S100A5: variants seen among roughly 807,000 people sequenced by gnomAD.
The protein encoded by S100A5 is protein S100-A5.
S100A5 carries 5 observed loss-of-function variants against 6.7 expected under a neutral mutation model. The ratio of observed to expected loss-of-function variants is 0.75; its 90% CI spans 0.39 to 1.57. The LOEUF (loss-of-function observed/expected upper bound fraction) is 1.57. Ranked by LOEUF, S100A5 falls within the 40% of genes most tolerant of loss-of-function variation. The pLI is 0.03. For synonymous variants in S100A5, 49 were observed against 44.9 expected (o/e 1.09, Z -0.37); for missense variants, 129 against 110.8 (o/e 1.16, Z -0.74).
upstream of S100A5, chr1:153,543,218 T>C (rs1055783726): frequency 1.5e-5 from 15 of 985,206 alleles, no homozygotes; most frequent in African/African-American, 2.4e-4. Context: ...AACTCAGCCT[T>C]ATTCTTTTCC....
chr1:153,537,479 C>T, intron 2 of S100A5, 43 bp from the exon 3 acceptor site: 1 of 1,608,490 alleles, frequency 6.2e-7, no homozygotes, highest in Non-Finnish European at 8.5e-7. Flanking sequence ...ACCCCGCTCC[C>T]AGCCCTGCCC....
At chr1:153,538,773 C>T (rs1270797956) in intron 2 of S100A5, among the ~76,000 whole-genome samples, 1 of 152,196 alleles carries the variant, frequency 6.6e-6, no homozygotes, top group Non-Finnish European at 1.5e-5. Context: ...CTCAGCCTCC[C>T]ACTAGCGGAT....
rs1198709472 is a variant in S100A5 at position 153,540,208 on chromosome 1, G to C, written c.-14-3C>G. 6.2e-7 allele frequency: 1 copy of C among 1,613,908 alleles called. No individual in the cohort carries two copies. Among genetic ancestry groups the C allele is most frequent in the Admixed American group, 1.7e-5 (1 of 60,000 alleles). ...AGTCTCCATCACAGTGTGCAGCTCT[G>C]TAGAGGGAGAGGGGAAGATCCCATT... is the stretch of plus-strand genomic sequence containing the variant. On this transcript the variant is annotated splice_polypyrimidine_tract_variant and splice_region_variant and intron_variant, in intron 1 of 2. Transcript: ENST00000368717.
At chr1:153,539,871 A>G (rs4017737) in intron 2 of S100A5, among the ~76,000 whole-genome samples, 183 bp downstream of exon 2, 17,736 of 151,804 alleles carry the variant, frequency 0.12, 1,199 homozygotes, top group African/African-American at 0.18. Context: ...ACCCTGACCC[A>G]TTCTCCTTCA....
At chr1:153,539,987 G>T in intron 2 of S100A5, 67 bp downstream of exon 2, 1 of 1,575,862 alleles carries the variant, frequency 6.3e-7, no homozygotes, top group Non-Finnish European at 8.7e-7. Context: ...GATCCTGAGG[G>T]TAGGTATGTG....
At chr1:153,537,625 G>A (rs893604135) in intron 2 of S100A5, among the ~76,000 whole-genome samples, 189 bp from the exon 3 acceptor site, 3 of 152,184 alleles carry the variant, frequency 2.0e-5, no homozygotes, top group Non-Finnish European at 4.4e-5. Context: ...CATGAGGTAG[G>A]GGGTCAGGGA....
chr1:153,543,571 T>C, upstream of S100A5: 1 of 636,414 alleles, frequency 1.6e-6, no homozygotes, highest in Non-Finnish European at 2.7e-6. Context: ...CCACAACATA[T>C]CCCTCAGTCC....
upstream of S100A5, chr1:153,543,551 C>T (rs146563649): frequency 1.0e-3 from 582 of 584,572 alleles, 5 homozygotes; most frequent in African/African-American, 9.9e-3. Flanking sequence ...CAGCTCTCCC[C>T]ACCACCACCC....
chr1:153,539,982 T>G, intron 2 of S100A5, 72 bp downstream of exon 2: 1 of 1,567,316 alleles, frequency 6.4e-7, no homozygotes, highest in Non-Finnish European at 8.7e-7. Flanking sequence ...TGGAGGATCC[T>G]GAGGGTAGGT....
intron 2 of S100A5, among the ~76,000 whole-genome samples, chr1:153,538,900 G>A (rs1250575671): frequency 1.3e-5 from 2 of 151,826 alleles, no homozygotes; most frequent in South Asian, 2.1e-4. Context: ...AGGCTGAGGC[G>A]ATAGGATCAT....
At chr1:153,542,621 C>A (rs1336928411), upstream of S100A5, among the ~76,000 whole-genome samples, 1 of 152,150 alleles carries the variant, frequency 6.6e-6, no homozygotes, top group Non-Finnish European at 1.5e-5. Context: ...ACAAAGCCCT[C>A]CAGCCTCTGC....
chr1:153,537,235 T>C lies in S100A5; in HGVS notation c.*61A>G. The C allele has an allele frequency of 1.9e-6, 3 of 1,580,142 alleles. No homozygotes were observed. The highest frequency in any genetic ancestry group is 2.6e-6 in the Non-Finnish European group (3 of 1,155,266). The stretch of plus-strand genomic sequence containing the variant: ...AGGGCAGGGGGCCAAAGAGGGTCTG[T>C]GAGAGGAGCAGCCGAGGTCAGCAGC... On this transcript the variant is annotated 3_prime_UTR_variant, in exon 3 of 3. Transcript: ENST00000368717.
rs77868160 is a variant in S100A5 at position 153,538,699 on chromosome 1, G to A, written c.139-1263C>T. Among the ~76,000 whole-genome samples the A allele has an allele frequency of 6.9e-3, 1,058 of 152,322 alleles. 7 individuals are homozygous for A. The highest frequency in any genetic ancestry group is 0.012 in the Non-Finnish European group (800 of 68,026). Reference sequence around the variant, plus strand: ...GGCTCAAGGTGTGATAGATGGAGAGGCACCCAGGCTAAATTTTAAAGGAAA... The same window carrying A: ...GGCTCAAGGTGTGATAGATGGAGAGACACCCAGGCTAAATTTTAAAGGAAA... On this transcript the variant is annotated intron_variant, in intron 2 of 2. Transcript: ENST00000368717.
rs1326569451 is a variant in S100A5 at position 153,540,194 on chromosome 1, C to G, written c.-3G>C. On this transcript the variant is annotated 5_prime_UTR_variant, in exon 2 of 3. Transcript: ENST00000368717. ...GCCTTCTCCAGAGGAGTCTCCATCA[C>G]AGTGTGCAGCTCTGTAGAGGGAGAG... 6.2e-7 allele frequency: 1 copy of G among 1,614,138 alleles called. No individual in the cohort carries two copies. Among genetic ancestry groups the G allele is most frequent in the Non-Finnish European group, 8.5e-7 (1 of 1,180,006 alleles).
chr1:153,543,681 G>T, upstream of S100A5: 1 of 1,400,122 alleles, frequency 7.1e-7, no homozygotes, highest in Non-Finnish European at 9.9e-7. Context: ...GAAGGAGCCA[G>T]GGTGGAAAAA....
At chr1:153,538,555 C>G (rs1324166413) in intron 2 of S100A5, among the ~76,000 whole-genome samples, 2 of 141,768 alleles carry the variant, frequency 1.4e-5, no homozygotes, top group Middle Eastern at 6.6e-3. Flanking sequence ...CCTCATTAAC[C>G]TCCAGGATGC....
At chr1:153,541,474 A>G, upstream of S100A5, 1 of 1,366,844 alleles carries the variant, frequency 7.3e-7, no homozygotes, top group Non-Finnish European at 9.8e-7. Context: ...CTCTGTCCCT[A>G]GGAATCCAGG....
At chr1:153,540,490 A>G (rs900138607) in intron 1 of S100A5, 131 bp downstream of exon 1, 1 of 270,734 alleles carries the variant, frequency 3.7e-6, no homozygotes. Flanking sequence ...TGAGAAGACG[A>G]CCTCCTCAAA....
chr1:153,539,935 G>A (rs1182400429), intron 2 of S100A5, 119 bp downstream of exon 2: 3 of 1,195,220 alleles, frequency 2.5e-6, no homozygotes, highest in East Asian at 2.4e-5. Flanking sequence ...CTTTGTCTCT[G>A]TCTGTAGCCC....
Sources: allele counts gnomAD v4.1 joint callset (sites outside exome capture counted in the v4.1 genomes callset), GRCh38; gene constraint gnomAD v4.1.1; transcripts MANE v1.5; gene names NCBI Gene and HGNC (gene_info 2026-07-23, HGNC 2026-07-21).